Variants in FBXW10B observed in about 807,000 individuals in gnomAD.
FBXW10B encodes the protein F-box and WD repeat domain containing 10B, also known as F-box and WD repeat domain containing protein 10B.
At chr17:15,616,631 C>T in the FBXW10B span, among the ~76,000 whole-genome samples, 85 of 151,766 alleles carry the variant, frequency 5.6e-4, no homozygotes, top group Non-Finnish European at 1.1e-3. Flanking sequence ...GGTGAAACCC[C>T]GTCTCTATTA....
the FBXW10B span, among the ~76,000 whole-genome samples, chr17:15,604,288 T>A: frequency 1.3e-5 from 2 of 152,146 alleles, no homozygotes; most frequent in Non-Finnish European, 2.9e-5. Context: ...ATTCTTTTTA[T>A]GTTGAGTTCA....
chr17:15,603,881 G>A, the FBXW10B span, among the ~76,000 whole-genome samples: 21,298 of 133,666 alleles, frequency 0.16, 2,087 homozygotes, highest in East Asian at 0.31. Flanking sequence ...GACCATCCTG[G>A]CTAACACGGG....
chr17:15,568,152 C>G, the FBXW10B span, among the ~76,000 whole-genome samples: 6 of 152,198 alleles, frequency 3.9e-5, no homozygotes, highest in Non-Finnish European at 7.3e-5. Flanking sequence ...GGTCTTCATT[C>G]TCTTGGAATC....
the FBXW10B span, chr17:15,614,102 C>G: frequency 6.7e-7 from 1 of 1,503,518 alleles, no homozygotes; most frequent in Non-Finnish European, 9.1e-7. Flanking sequence ...GAGAACAAGT[C>G]CCCACCAAAA....
the FBXW10B span, among the ~76,000 whole-genome samples, chr17:15,591,966 C>T: frequency 6.6e-6 from 1 of 152,170 alleles, no homozygotes; most frequent in Non-Finnish European, 1.5e-5. Context: ...GGAACTTGCC[C>T]TCCCTGTCCC....
At chr17:15,590,163 C>T in the FBXW10B span, among the ~76,000 whole-genome samples, 4 of 150,868 alleles carry the variant, frequency 2.7e-5, no homozygotes, top group African/African-American at 9.8e-5. Flanking sequence ...ACTGTCTCCT[C>T]ATCTCCCACA....
chr17:15,595,411 T>C, the FBXW10B span, among the ~76,000 whole-genome samples: 1 of 152,186 alleles, frequency 6.6e-6, no homozygotes, highest in African/African-American at 2.4e-5. Flanking sequence ...CCATTCCACA[T>C]AGAGCTCTCT....
the FBXW10B span, chr17:15,565,599 A>G: frequency 6.2e-7 from 1 of 1,614,124 alleles, no homozygotes; most frequent in African/African-American, 1.3e-5. Context: ...AATTATCAAT[A>G]GGCAGGCCTT....
chr17:15,607,905 C>A, the FBXW10B span, among the ~76,000 whole-genome samples: 5 of 146,816 alleles, frequency 3.4e-5, no homozygotes, highest in East Asian at 9.9e-4. Context: ...TCTTTCATCT[C>A]TTTGATTTTC....
At chr17:15,594,244 G>A in the FBXW10B span, among the ~76,000 whole-genome samples, 17 of 152,068 alleles carry the variant, frequency 1.1e-4, no homozygotes, top group East Asian at 5.8e-4. Context: ...AGGCTGAGGC[G>A]GGCAGATCAT....
At chr17:15,615,321 C>CTTTTTTTTTTTTT in the FBXW10B span, among the ~76,000 whole-genome samples, 96 of 88,706 alleles carry the variant, frequency 1.1e-3, 9 homozygotes, top group African/African-American at 3.2e-3. Context: ...TATTGGCTTT[C>CTTTTTTTTTTTTT]TTTTTTTTTT....
chr17:15,601,984 T>C, the FBXW10B span, among the ~76,000 whole-genome samples: 1 of 151,410 alleles, frequency 6.6e-6, no homozygotes, highest in Non-Finnish European at 1.5e-5. Flanking sequence ...TGGTGGCGGG[T>C]GCCTGTAGTC....
the FBXW10B span, among the ~76,000 whole-genome samples, chr17:15,580,150 C>T: frequency 2.9e-4 from 44 of 151,684 alleles, no homozygotes; most frequent in Admixed American, 1.7e-3. Context: ...GATTTGCATG[C>T]GTGAGTGAAT....
the FBXW10B span, among the ~76,000 whole-genome samples, chr17:15,612,143 A>T: frequency 6.6e-6 from 1 of 152,186 alleles, no homozygotes; most frequent in East Asian, 1.9e-4. Context: ...GCTTTGAAGT[A>T]AGGAAGAACC....
chr17:15,583,119 C>T, the FBXW10B span, among the ~76,000 whole-genome samples: 1 of 148,150 alleles, frequency 6.7e-6, no homozygotes, highest in Non-Finnish European at 1.5e-5. Flanking sequence ...GAAGACTTCA[C>T]TGAGTCTGCA....
the FBXW10B span, chr17:15,594,740 G>A: frequency 3.7e-6 from 6 of 1,613,476 alleles, no homozygotes; most frequent in Non-Finnish European, 5.1e-6. Context: ...GGCTTCACAG[G>A]CACCTACTTG....
chr17:15,579,573 A>G, the FBXW10B span, among the ~76,000 whole-genome samples: 1 of 152,162 alleles, frequency 6.6e-6, no homozygotes, highest in East Asian at 1.9e-4. Context: ...AAGAAAGGAT[A>G]TTTTATTTTG....
the FBXW10B span, chr17:15,593,262 T>C: frequency 6.2e-7 from 1 of 1,603,840 alleles, no homozygotes; most frequent in Non-Finnish European, 8.5e-7. Context: ...CCAGGGCTGG[T>C]ATCCCAGGGG....
the FBXW10B span, among the ~76,000 whole-genome samples, chr17:15,577,723 A>G: frequency 6.6e-6 from 1 of 152,180 alleles, no homozygotes; most frequent in Non-Finnish European, 1.5e-5. Flanking sequence ...TGCTGTTTTC[A>G]TTGGTTGGTG....
Sources: gnomAD v4.1 joint callset for allele counts (sites outside exome capture counted in the v4.1 genomes callset) on GRCh38, gnomAD v4.1.1 for gene constraint, MANE v1.5 for transcripts, NCBI Gene and HGNC (gene_info 2026-07-23, HGNC 2026-07-21) for gene names.